Variants in RBPJ observed in about 807,000 individuals in gnomAD.
RBPJ encodes recombining binding protein suppressor of hairless.
In RBPJ, 9 loss-of-function variants were observed where a neutral mutation model predicts 67.8. That is an observed-to-expected ratio of 0.13 (90% CI 0.08 to 0.23). The LOEUF is 0.23. RBPJ is among the 10% of genes least tolerant of loss of function. The pLI is 1.00. For missense variants in RBPJ, 305 were observed against 595.6 expected (o/e 0.51, Z 5.08); for synonymous variants, 198 against 203.3 (o/e 0.97, Z 0.22).
chr4:26,158,741 T>A (rs1176382472), upstream of RBPJ, among the ~76,000 whole-genome samples: 1 of 152,150 alleles, frequency 6.6e-6, no homozygotes, highest in Non-Finnish European at 1.5e-5. Context: ...TCTAATTAAC[T>A]TGAATTGTAA....
At chr4:26,207,550 G>C (rs1178335224) in intron 1 of RBPJ, among the ~76,000 whole-genome samples, 2 of 152,170 alleles carry the variant, frequency 1.3e-5, no homozygotes, top group Admixed American at 6.6e-5. Context: ...GAGAACATGT[G>C]AGCTAAGGAT....
At chr4:26,421,184 G>A (rs940547568) in intron 5 of RBPJ, among the ~76,000 whole-genome samples, 6 of 152,142 alleles carry the variant, frequency 3.9e-5, no homozygotes, top group Non-Finnish European at 8.8e-5. Context: ...TTTTAATGTG[G>A]TTGCTCTGGC....
At chr4:26,288,577 G>A (rs941960146) in intron 1 of RBPJ, among the ~76,000 whole-genome samples, 2 of 152,230 alleles carry the variant, frequency 1.3e-5, no homozygotes, top group African/African-American at 4.8e-5. Context: ...CACCCTAGGA[G>A]AGAAGAATTA....
chr4:26,162,384 T>C (rs771963749), upstream of RBPJ, among the ~76,000 whole-genome samples: 2 of 152,228 alleles, frequency 1.3e-5, no homozygotes, highest in Non-Finnish European at 2.9e-5. Flanking sequence ...ATGATCTCCA[T>C]AATGTTACTT....
At position 26,311,492 on chromosome 4, in the gene RBPJ, T is replaced by C. The variant is rs78240192; in HGVS notation, c.-166-50954T>C. On this transcript the variant is annotated intron_variant, in intron 1 of 4. Coordinates refer to the RBPJ transcript ENST00000512351. ...AGGTGGAGGTTGCAGTGAGCCGAGATTGAGACACTGCACCCCAGCCTGGGT... is the reference window on the plus strand; with the variant it reads ...AGGTGGAGGTTGCAGTGAGCCGAGACTGAGACACTGCACCCCAGCCTGGGT... Among the ~76,000 whole-genome samples, 871 of 151,702 alleles carry C rather than the reference T, an allele frequency of 5.7e-3. 13 individuals carry two copies. The highest frequency in any genetic ancestry group is 0.02 in the African/African-American group (839 of 41,330).
At chr4:26,255,276 C>A (rs866497872) in intron 1 of RBPJ, among the ~76,000 whole-genome samples, 1 of 130,708 alleles carries the variant, frequency 7.7e-6, no homozygotes. Flanking sequence ...TGGTGGCGGG[C>A]GCCTGTAGTC....
In RBPJ at chr4:26,283,866, G is replaced by A. The variant is rs189108905; in HGVS notation, c.-166-78580G>A. 2.0e-3 allele frequency among the ~76,000 whole-genome samples: 311 copies of A among 152,112 alleles called. 1 individual carries two copies. Among genetic ancestry groups the A allele is most frequent in the African/African-American group, 7.2e-3 (299 of 41,500 alleles). On this transcript the variant is annotated intron_variant, in intron 1 of 4. Coordinates refer to the RBPJ transcript ENST00000512351. ...TCACAATGTTGGCCAGGATGGTCTC[G>A]ATCTTTTGACCTCGTGATCCATCCG...
At chr4:26,379,766 G>T (rs1033987317) in intron 1 of RBPJ, among the ~76,000 whole-genome samples, 1 of 152,090 alleles carries the variant, frequency 6.6e-6, no homozygotes, top group Non-Finnish European at 1.5e-5. Context: ...TAGAGATGGG[G>T]GTCTTGCTTT....
Position 26,215,653 on chromosome 4 carries a change from A to G in RBPJ, c.-167+52039A>G, listed in dbSNP as rs114372185. 4.5e-3 allele frequency among the ~76,000 whole-genome samples: 678 copies of G among 152,294 alleles called. 4 individuals are homozygous for G. Among genetic ancestry groups the G allele is most frequent in the African/African-American group, 0.015 (639 of 41,554 alleles). On this transcript the variant is annotated intron_variant, in intron 1 of 4. Transcript: ENST00000512351. The stretch of plus-strand genomic sequence containing the variant: ...TCACAACACGTCCTGAGATAATAGG[A>G]GAAACACTGGAGTGTCACGAAAACA...
At chr4:26,213,950 C>T (rs905004020) in intron 1 of RBPJ, among the ~76,000 whole-genome samples, 20 of 152,182 alleles carry the variant, frequency 1.3e-4, no homozygotes, top group Middle Eastern at 6.8e-3. Context: ...AAGGGTGTGG[C>T]TCAAGTCAAG....
intron 1 of RBPJ, among the ~76,000 whole-genome samples, chr4:26,193,958 C>G (rs543011814): frequency 6.6e-6 from 1 of 152,342 alleles, no homozygotes; most frequent in East Asian, 1.9e-4. Context: ...CCAAGCCTCT[C>G]TCCCTCACAC....
chr4:26,314,840 C>G (rs1722549860), upstream of RBPJ, among the ~76,000 whole-genome samples: 1 of 152,022 alleles, frequency 6.6e-6, no homozygotes, highest in African/African-American at 2.4e-5. Flanking sequence ...TTTTCACTCC[C>G]ACTAGCAGCT....
At chr4:26,280,052 G>T (rs1187297395) in intron 1 of RBPJ, among the ~76,000 whole-genome samples, 1 of 151,040 alleles carries the variant, frequency 6.6e-6, no homozygotes, top group African/African-American at 2.4e-5. Context: ...CTCCCAAAGT[G>T]CTGGGATTAC....
Position 26,424,849 on chromosome 4 carries a change from T to C in RBPJ, c.747+106T>C. The stretch of plus-strand genomic sequence containing the variant: ...AAAAACACACCTCAGTTTTATGCTT[T>C]TTAATTTTAAAAGGTATGTTAGTAA... On this transcript the variant is annotated intron_variant, in intron 7 of 10. Transcript: ENST00000355476. The surrounding 1 kb of genome is among the most constrained non-coding windows in gnomAD (Gnocchi z 5.3). The C allele has an allele frequency of 1.5e-6, 1 of 663,956 alleles. No individual in the cohort carries two copies. The highest frequency in any genetic ancestry group is 2.0e-5 in the South Asian group (1 of 49,960). 41.1% of individuals were successfully genotyped at this position (663,956 alleles called of 1,614,324 possible).
In RBPJ at chr4:26,338,249, G is replaced by A. The variant is rs564310761; in HGVS notation, c.20+17201G>A. 1.1e-4 allele frequency among the ~76,000 whole-genome samples: 16 copies of A among 145,580 alleles called. No individual in the cohort carries two copies. In the South Asian group the frequency reaches 2.0e-3, roughly 18 times the overall value. ...CGGCTCACTGCAACCTCTGCCTCCCGGATTCAAGCAATTCTCCTGCCTCAG... is the reference window on the plus strand; with the variant it reads ...CGGCTCACTGCAACCTCTGCCTCCCAGATTCAAGCAATTCTCCTGCCTCAG... On this transcript the variant is annotated intron_variant, in intron 1 of 10. Coordinates refer to ENST00000355476, the MANE Select transcript of RBPJ (RefSeq NM_015874.6).
chr4:26,423,811 G>A (rs1328615429), intron 5 of RBPJ, among the ~76,000 whole-genome samples: 1 of 152,154 alleles, frequency 6.6e-6, no homozygotes, highest in African/African-American at 2.4e-5. Flanking sequence ...GTATGCAGAG[G>A]CATTTACCAT....
chr4:26,360,262 A>G (rs1229168550), intron 1 of RBPJ, among the ~76,000 whole-genome samples: 2 of 152,168 alleles, frequency 1.3e-5, no homozygotes, highest in East Asian at 1.9e-4. Context: ...GTTTTTCCCT[A>G]TCCTGCCTGG....
intron 1 of RBPJ, among the ~76,000 whole-genome samples, chr4:26,344,614 G>A (rs1490461418): frequency 2.0e-5 from 3 of 152,126 alleles, no homozygotes; most frequent in Admixed American, 6.5e-5. Context: ...GGGAGATGTG[G>A]TAATTTTTTA....
intron 2 of RBPJ, among the ~76,000 whole-genome samples, chr4:26,392,045 T>C (rs762320331): frequency 6.6e-6 from 1 of 152,194 alleles, no homozygotes; most frequent in Non-Finnish European, 1.5e-5. Flanking sequence ...TCCATCCTCA[T>C]GACCTCATCA....
Sources: allele counts gnomAD v4.1 joint callset (sites outside exome capture counted in the v4.1 genomes callset), GRCh38; gene constraint gnomAD v4.1.1; non-coding constraint Gnocchi (gnomAD v3.1); transcripts MANE v1.5; gene names NCBI Gene and HGNC (gene_info 2026-07-23, HGNC 2026-07-21).